CREB5: variants seen among roughly 807,000 people sequenced by gnomAD.
CREB5 encodes cyclic AMP-responsive element-binding protein 5.
A neutral mutation model predicts 57.1 loss-of-function variants in CREB5; 19 were observed. That is an observed-to-expected ratio of 0.33 (90% CI 0.23 to 0.49). CREB5 has a LOEUF of 0.49. CREB5 is among the 20% of genes least tolerant of loss of function. The pLI is 0.99. For synonymous variants in CREB5, 238 were observed against 238.3 expected, an observed-to-expected ratio of 1.00 and a Z score of 0.01; for missense variants, 579 against 671.6, an observed-to-expected ratio of 0.86 and a Z score of 1.52.
At chr7:28,718,724 ATGTT>A (rs1802844320) in intron 5 of CREB5, 25 bp from the exon 6 acceptor site, 6 of 1,611,198 alleles carry the variant, frequency 3.7e-6, no homozygotes, top group Non-Finnish European at 5.1e-6. Flanking sequence ...ACCAGGAATC[ATGTT>A]TGTTTGTTTT....
In CREB5 at chr7:28,790,456, GAGAGAT is replaced by G. The variant is rs1464400130; in HGVS notation, c.703-13737_703-13732del. ...AGAGAGAGAGAGAGAGAGAGAGAGA[GAGAGAT>G]AGAGAGAGAGAGAAAGAAAGAAAGA... On this transcript the variant is annotated intron_variant, in intron 7 of 10. Coordinates refer to ENST00000357727, the MANE Select transcript of CREB5 (RefSeq NM_182898.4). Among the ~76,000 whole-genome samples, 139 of 34,854 alleles carry G rather than the reference GAGAGAT, an allele frequency of 4.0e-3. 1 individual carries two copies. The highest frequency in any genetic ancestry group is 0.014 in the Middle Eastern group (1 of 70). 22.9% of individuals were successfully genotyped at this position (34,854 alleles called of 152,430 possible). A position where few individuals can be genotyped will look rare whatever the true frequency, so the allele number is the denominator to read the frequency against.
At chr7:28,462,823 C>T (rs2128576664) in intron 1 of CREB5, among the ~76,000 whole-genome samples, 1 of 152,156 alleles carries the variant, frequency 6.6e-6, no homozygotes, top group Non-Finnish European at 1.5e-5. Flanking sequence ...ATACTAGACC[C>T]TACCAGATAT....
At chr7:28,640,431 A>G (rs1428815456) in intron 5 of CREB5, among the ~76,000 whole-genome samples, 1 of 152,254 alleles carries the variant, frequency 6.6e-6, no homozygotes, top group Non-Finnish European at 1.5e-5. Flanking sequence ...TAAGAATTTC[A>G]GCAACAACTA....
intron 1 of CREB5, among the ~76,000 whole-genome samples, chr7:28,372,417 G>A (rs558333272): frequency 2.6e-5 from 4 of 152,246 alleles, no homozygotes; most frequent in Admixed American, 6.5e-5. Context: ...AAATAGACCA[G>A]GAAAAGTCCT....
At chr7:28,341,430 G>C (rs1348875134) in intron 1 of CREB5, among the ~76,000 whole-genome samples, 1 of 152,108 alleles carries the variant, frequency 6.6e-6, no homozygotes, top group Non-Finnish European at 1.5e-5. Flanking sequence ...TTTTGTCTAT[G>C]TTAGGGATTG....
chr7:28,656,888 A>G (rs901520394), intron 5 of CREB5, among the ~76,000 whole-genome samples: 7 of 152,222 alleles, frequency 4.6e-5, no homozygotes, highest in Admixed American at 1.3e-4. Context: ...GTTGTGACCC[A>G]CTAGGAAGGT....
chr7:28,675,975 A>G (rs571536013), intron 5 of CREB5, among the ~76,000 whole-genome samples: 1 of 152,300 alleles, frequency 6.6e-6, no homozygotes, highest in East Asian at 1.9e-4. Flanking sequence ...CCCCAAAGCT[A>G]ATTCCTTCAG....
chr7:28,525,525 T>C (rs1237225188), intron 4 of CREB5, among the ~76,000 whole-genome samples: 1 of 152,078 alleles, frequency 6.6e-6, no homozygotes, highest in Non-Finnish European at 1.5e-5. Flanking sequence ...CCATCCTAAC[T>C]GAAGTAAGAT....
chr7:28,493,659 A>G (rs569456153), intron 2 of CREB5, among the ~76,000 whole-genome samples: 1 of 152,292 alleles, frequency 6.6e-6, no homozygotes, highest in South Asian at 2.1e-4. Context: ...TTCATTCATT[A>G]CTCAATGGGC....
At chr7:28,303,439 G>A (rs1157758172) in intron 1 of CREB5, among the ~76,000 whole-genome samples, 2 of 152,144 alleles carry the variant, frequency 1.3e-5, no homozygotes, top group East Asian at 3.8e-4. Flanking sequence ...AATCAAGAGG[G>A]GGAAATTAGC....
At chr7:28,608,590 C>T (rs1324941750) in intron 5 of CREB5, among the ~76,000 whole-genome samples, 1 of 152,136 alleles carries the variant, frequency 6.6e-6, no homozygotes, top group African/African-American at 2.4e-5. Context: ...CAATCTCCCT[C>T]CCCACCAGCA....
At chr7:28,614,551 G>A (rs536078579) in intron 5 of CREB5, among the ~76,000 whole-genome samples, 1 of 152,182 alleles carries the variant, frequency 6.6e-6, no homozygotes, top group South Asian at 2.1e-4. Flanking sequence ...TTGAGACACT[G>A]CTTATGCCTC....
chr7:28,590,710 A>AATAAT (rs1796478140), intron 5 of CREB5, among the ~76,000 whole-genome samples: 1 of 145,650 alleles, frequency 6.9e-6, no homozygotes, highest in African/African-American at 2.6e-5. Context: ...ATAATAATAA[A>AATAAT]AACCCAAACT....
chr7:28,715,051 T>C (rs1286303031), intron 5 of CREB5, among the ~76,000 whole-genome samples: 2 of 152,220 alleles, frequency 1.3e-5, no homozygotes, highest in Non-Finnish European at 2.9e-5. Context: ...AAGTTTTGTT[T>C]TGTTTTGTTT....
At position 28,761,175 on chromosome 7, in the gene CREB5, G is replaced by C. The variant is rs181436551; in HGVS notation, c.702+36843G>C. ...AAAGGAATTCAAATATCCAGAAATT[G>C]TAAATAAATGAGCATATGCCCAATG... On this transcript the variant is annotated intron_variant, in intron 7 of 10. Coordinates refer to ENST00000357727, the MANE Select transcript of CREB5 (RefSeq NM_182898.4). 1.8e-3 allele frequency among the ~76,000 whole-genome samples: 269 copies of C among 152,288 alleles called. 1 individual carries two copies. Among genetic ancestry groups the C allele is most frequent in the African/African-American group, 6.3e-3 (260 of 41,546 alleles).
chr7:28,678,134 T>A (rs1199211625), intron 5 of CREB5, among the ~76,000 whole-genome samples: 1 of 152,236 alleles, frequency 6.6e-6, no homozygotes, highest in Non-Finnish European at 1.5e-5. Flanking sequence ...ACGCCTGTAA[T>A]CCCAGAACTT....
At chr7:28,670,184 A>G (rs1799975888) in intron 5 of CREB5, among the ~76,000 whole-genome samples, 1 of 152,226 alleles carries the variant, frequency 6.6e-6, no homozygotes, top group South Asian at 2.1e-4. Flanking sequence ...CATACCTATG[A>G]TAAAGTTTAA....
chr7:28,737,587 A>ATT (rs1164018148), intron 7 of CREB5, among the ~76,000 whole-genome samples: 1 of 102,752 alleles, frequency 9.7e-6, no homozygotes, highest in Admixed American at 1.1e-4. Flanking sequence ...ATATATATAT[A>ATT]TTTTTAACTC....
chr7:28,361,822 T>C (rs1220386305), intron 1 of CREB5, among the ~76,000 whole-genome samples: 2 of 152,192 alleles, frequency 1.3e-5, no homozygotes, highest in Non-Finnish European at 2.9e-5. Flanking sequence ...GTATTGTGTC[T>C]TTTGGTAGAG....
Sources: gnomAD v4.1 joint callset for allele counts (sites outside exome capture counted in the v4.1 genomes callset) on GRCh38, gnomAD v4.1.1 for gene constraint, MANE v1.5 for transcripts, NCBI Gene and HGNC (gene_info 2026-07-23, HGNC 2026-07-21) for gene names.